COL9A1: variants seen among roughly 807,000 people sequenced by gnomAD.
COL9A1 encodes collagen alpha-1(IX) chain.
Under a neutral mutation model 142.6 loss-of-function variants are expected in COL9A1, and 104 were observed. That is an observed-to-expected ratio of 0.73 (90% CI 0.62 to 0.86). The LOEUF (loss-of-function observed/expected upper bound fraction) is 0.86. Ranked by LOEUF, COL9A1 falls within the 40% of genes least tolerant of loss-of-function variation. COL9A1 has a pLI of 0.00. For missense variants in COL9A1, 1,210 were observed against 1,176.6 expected, an observed-to-expected ratio of 1.03 and a Z score of -0.42; for synonymous variants, 466 against 396.0, an observed-to-expected ratio of 1.18 and a Z score of -2.10.
chr6:70,289,769 T>A (rs1203056747), intron 5 of COL9A1, among the ~76,000 whole-genome samples: 1 of 152,170 alleles, frequency 6.6e-6, no homozygotes, highest in Non-Finnish European at 1.5e-5. Context: ...TAGTATGCAT[T>A]TCCTAAATCA....
Position 70,234,932 on chromosome 6 carries a change from A to G in COL9A1, c.2121T>C (p.Asn707=). The G allele has an allele frequency of 6.2e-7, 1 of 1,614,136 alleles. No homozygotes were observed. Among genetic ancestry groups the G allele is most frequent in the Non-Finnish European group, 8.5e-7 (1 of 1,180,032 alleles). The change falls in exon 34 of 38, where the codon AAT becomes AAC. Residue 707 remains asparagine (N), a synonymous_variant. Transcript: ENST00000357250. ...GCCCTCTCAAGCCAGGTTCCCCAGG[A>G]TTACCTGCCTGGAACACAATTGCAC... ...GLPGPKGSAG[N]PGEPGLRGPE... is the part of the protein sequence containing the mutation.
At chr6:70,217,330 G>A (rs1768589963) in intron 37 of COL9A1, among the ~76,000 whole-genome samples, 1 of 152,184 alleles carries the variant, frequency 6.6e-6, no homozygotes, top group Non-Finnish European at 1.5e-5. Flanking sequence ...ATTTCCATCA[G>A]TAGAGCTGCA....
chr6:70,242,739 AT>A, intron 28 of COL9A1, 24 bp from the exon 29 acceptor site: 1 of 1,612,074 alleles, frequency 6.2e-7, no homozygotes, highest in Non-Finnish European at 8.5e-7. Context: ...AACATTGTCA[AT>A]TGGATATTTT....
Position 70,217,113 on chromosome 6 carries a change from A to G in COL9A1, c.2582-32T>C, listed in dbSNP as rs939587196. 3 of 1,611,418 alleles carry G rather than the reference A, an allele frequency of 1.9e-6. No individual in the cohort carries two copies. In the African/African-American group the frequency reaches 4.0e-5, roughly 22 times the overall value. The stretch of plus-strand genomic sequence containing the variant: ...CACACAGAAGATTGCACATGTGAAC[A>G]GGAGAATCCTCATTGATGCAAACTG... On this transcript the variant is annotated intron_variant, in intron 37 of 37. Transcript: ENST00000357250.
chr6:70,254,881 G>T, intron 24 of COL9A1, 82 bp downstream of exon 24: 3 of 1,293,630 alleles, frequency 2.3e-6, no homozygotes, highest in Non-Finnish European at 3.4e-6. Context: ...ATCTTTTGGT[G>T]ATTTAGTAAT....
chr6:70,282,901 G>C lies in COL9A1; in HGVS notation c.798C>G (p.Asp266Glu). 1.9e-6 allele frequency: 3 copies of C among 1,614,180 alleles called. No homozygotes were observed. The highest frequency in any genetic ancestry group is 2.5e-6 in the Non-Finnish European group (3 of 1,180,044). The change falls in exon 7 of 38, where the codon GAC (aspartate) becomes GAG (glutamate). Residue 266 changes from aspartate (D) to glutamate (E), a missense_variant. Physicochemically the swap from Asp to Glu is conservative, Grantham distance 45. Transcript: ENST00000357250. ...ACACTCCCTGCCCCCAACTTACCTC[G>C]TCGGTGGTCTGGCTGGGCTGGAGAA... Reference protein sequence around the residue: ...PARITPSQTTDERGPPGEQGP... With the variant: ...PARITPSQTTEERGPPGEQGP...
intron 37 of COL9A1, among the ~76,000 whole-genome samples, chr6:70,220,370 G>T (rs1200567): frequency 0.1 from 14,165 of 137,870 alleles, 992 homozygotes; most frequent in African/African-American, 0.22. Context: ...CTGTGGAAGG[G>T]TGTGGAGGGG....
chr6:70,219,514 A>G (rs183587563), intron 37 of COL9A1, among the ~76,000 whole-genome samples: 1 of 152,354 alleles, frequency 6.6e-6, no homozygotes, highest in African/African-American at 2.4e-5. Context: ...CTGATCCCTG[A>G]TGTTATAAAG....
At chr6:70,292,381 C>T (rs975324022) in intron 5 of COL9A1, among the ~76,000 whole-genome samples, 2 of 152,104 alleles carry the variant, frequency 1.3e-5, no homozygotes, top group Non-Finnish European at 2.9e-5. Context: ...TAGAAAAGCT[C>T]CTTGGTGGAC....
chr6:70,252,008 G>A (rs1159064364), intron 28 of COL9A1, 112 bp downstream of exon 28: 2 of 1,108,862 alleles, frequency 1.8e-6, no homozygotes, highest in Non-Finnish European at 2.8e-6. Context: ...TCTTGGACTA[G>A]CATGGGCTCA....
At position 70,272,361 on chromosome 6, in the gene COL9A1, T is replaced by G. The variant is rs12530229; in HGVS notation, c.1066-273A>C. Among the ~76,000 whole-genome samples, 57,062 of 151,778 alleles carry G rather than the reference T, an allele frequency of 0.38. 11,021 individuals carry two copies. Among genetic ancestry groups the G allele is most frequent in the African/African-American group, 0.43 (17,774 of 41,386 alleles). ...TAAGGAAATCAAAGTAAAGAAGCCTTCCATGCTTGCCCTCAGGAGAACTTA... is the reference window on the plus strand; with the variant it reads ...TAAGGAAATCAAAGTAAAGAAGCCTGCCATGCTTGCCCTCAGGAGAACTTA... On this transcript the variant is annotated intron_variant, in intron 12 of 37. Coordinates refer to ENST00000357250, the MANE Select transcript of COL9A1 (RefSeq NM_001851.6).
At chr6:70,302,816 C>T (rs1488680321) in intron 1 of COL9A1, 95 bp downstream of exon 1, 1 of 1,351,138 alleles carries the variant, frequency 7.4e-7, no homozygotes, top group Non-Finnish European at 1.1e-6. Context: ...GGCTCACCTA[C>T]TCTCATCTTA....
chr6:70,255,241 C>T, intron 22 of COL9A1, 38 bp from the exon 23 acceptor site: 7 of 1,612,074 alleles, frequency 4.3e-6, no homozygotes, highest in Non-Finnish European at 5.9e-6. Flanking sequence ...AAGACATGTT[C>T]AGTTAACATA....
At chr6:70,268,959 T>C (rs1772220485) in intron 16 of COL9A1, 99 bp from the exon 17 acceptor site, 4 of 918,848 alleles carry the variant, frequency 4.4e-6, no homozygotes, top group Non-Finnish European at 7.1e-6. Context: ...GGATTCCAGT[T>C]ACAGAACTCC....
chr6:70,244,875 A>G (rs1032646162), intron 28 of COL9A1, among the ~76,000 whole-genome samples: 17 of 152,180 alleles, frequency 1.1e-4, no homozygotes, highest in African/African-American at 3.9e-4. Flanking sequence ...ACCCTTGGTA[A>G]TATATATGAA....
chr6:70,281,701 G>A (rs1562324861), intron 7 of COL9A1, among the ~76,000 whole-genome samples: 2 of 152,288 alleles, frequency 1.3e-5, no homozygotes, highest in Admixed American at 6.5e-5. Flanking sequence ...CCAAGGTTGG[G>A]GGAGGCTTCA....
intron 36 of COL9A1, among the ~76,000 whole-genome samples, chr6:70,231,462 C>CT (rs1293941771): frequency 6.6e-6 from 1 of 152,148 alleles, no homozygotes; most frequent in East Asian, 1.9e-4. Context: ...AGTCTGTACT[C>CT]TATTTGATTT....
chr6:70,270,248 A>G (rs1448553941), intron 15 of COL9A1, 66 bp downstream of exon 15: 4 of 1,501,316 alleles, frequency 2.7e-6, no homozygotes, highest in Non-Finnish European at 3.7e-6. Context: ...TCCATTTTGG[A>G]TTCTTAGATT....
intron 17 of COL9A1, among the ~76,000 whole-genome samples, chr6:70,268,418 T>C (rs967576671): frequency 6.6e-6 from 1 of 152,176 alleles, no homozygotes; most frequent in African/African-American, 2.4e-5. Flanking sequence ...TCTCCCTCTG[T>C]TGTCCAGGTT....
Sources: allele counts gnomAD v4.1 joint callset (sites outside exome capture counted in the v4.1 genomes callset), GRCh38; gene constraint gnomAD v4.1.1; transcripts MANE v1.5; gene names NCBI Gene and HGNC (gene_info 2026-07-23, HGNC 2026-07-21).